Variants in NAALADL1 observed in about 807,000 individuals in gnomAD.
NAALADL1 encodes aminopeptidase NAALADL1.
In NAALADL1, 77 loss-of-function variants were observed where a neutral mutation model predicts 82.8. The observed-to-expected ratio is 0.93, with a 90% CI of 0.77 to 1.12. The LOEUF is 1.12. Among genes scored for constraint, NAALADL1 ranks in the 50% most tolerant of loss-of-function variants. The probability of loss-of-function intolerance (pLI) is 0.00; values close to 1 mark genes in which losing one functional copy is unlikely to be tolerated. For synonymous variants in NAALADL1, 358 were observed against 399.2 expected (o/e 0.90, Z 1.23); for missense variants, 956 against 964.0 (o/e 0.99, Z 0.11).
chr11:65,046,289 C>A lies in NAALADL1; in HGVS notation c.1755G>T (p.Leu585=). Residue 585 remains leucine (L), a synonymous_variant, in exon 15 of 18, where the codon CTG becomes CTT. Coordinates refer to ENST00000358658, the MANE Select transcript of NAALADL1 (RefSeq NM_005468.3). Reference sequence around the variant, plus strand: ...CACTGTAGTCACTGACTTTGAGGGGCAGGAAGAAGCTGTCACTGAGCCGGA... The same window carrying A: ...CACTGTAGTCACTGACTTTGAGGGGAAGGAAGAAGCTGTCACTGAGCCGGA... ...VILRLSDSFF[L]PLKVSDYSET... 1 of 1,614,188 alleles carries A rather than the reference C, an allele frequency of 6.2e-7. No individual in the cohort carries two copies. The highest frequency in any genetic ancestry group is 8.5e-7 in the Non-Finnish European group (1 of 1,180,046).
chr11:65,045,434 G>T lies in NAALADL1; in HGVS notation c.2060C>A (p.Thr687Lys). ...YYSHVLWAPR[T>K]GSVVTFPGLS... ...GCCCGGGAATGTGACTACGGAGCCCGTGCGAGGTGCCCAGAGCACATGGCT... is the reference window on the plus strand; with the variant it reads ...GCCCGGGAATGTGACTACGGAGCCCTTGCGAGGTGCCCAGAGCACATGGCT... The change falls in exon 18 of 18, where the codon ACG becomes AAG. Residue 687 changes from threonine to lysine, a missense_variant. By Grantham distance (78) the Thr-to-Lys change is moderately conservative. Transcript: ENST00000358658. 4.3e-6 allele frequency: 7 copies of T among 1,610,768 alleles called. No homozygotes were observed. The highest frequency in any genetic ancestry group is 5.9e-6 in the Non-Finnish European group (7 of 1,178,342).
At chr11:65,047,203 C>T (rs1017447237) in intron 13 of NAALADL1, among the ~76,000 whole-genome samples, 2 of 152,154 alleles carry the variant, frequency 1.3e-5, no homozygotes, top group Non-Finnish European at 2.9e-5. Flanking sequence ...GGCACCAAGG[C>T]TCACACCTGT....
At chr11:65,052,541 T>C (rs1011224250) in intron 8 of NAALADL1, among the ~76,000 whole-genome samples, 1 of 152,164 alleles carries the variant, frequency 6.6e-6, no homozygotes, top group Admixed American at 6.5e-5. Context: ...CTCGAACTCC[T>C]GACCTCGTGA....
Position 65,044,844 on chromosome 11 carries a change from G to C in NAALADL1, c.*427C>G. The C allele has an allele frequency of 8.5e-7, 1 of 1,176,318 alleles. No homozygotes were observed. Among genetic ancestry groups the C allele is most frequent in the Non-Finnish European group, 1.2e-6 (1 of 859,480 alleles). 72.9% of individuals were successfully genotyped at this position (1,176,318 alleles called of 1,614,324 possible). A position where few individuals can be genotyped will look rare whatever the true frequency, so the allele number is the denominator to read the frequency against. ...TTTGTTGGTACCAGTCACTAGATGT[G>C]ATTTATTTGAGGGGCTGTTGTAGGG... On this transcript the variant is annotated 3_prime_UTR_variant, in exon 18 of 18. Transcript: ENST00000358658. This position sits in a 1 kb window ranked among gnomAD's most constrained non-coding sequence, Gnocchi z 4.0.
chr11:65,046,784 G>A (rs1946742144), intron 13 of NAALADL1, among the ~76,000 whole-genome samples: 2 of 152,158 alleles, frequency 1.3e-5, no homozygotes, highest in Non-Finnish European at 2.9e-5. Flanking sequence ...TGGGGCTTTG[G>A]GGTCAGATAG....
chr11:65,054,866 A>T lies in NAALADL1; in HGVS notation c.604-128T>A. The T allele has an allele frequency of 7.9e-7, 1 of 1,268,356 alleles. No homozygotes were observed. The highest frequency in any genetic ancestry group is 1.1e-6 in the Non-Finnish European group (1 of 937,166). The allele number at this position is 1,268,356 out of a possible 1,614,324, so 78.6% of individuals were successfully genotyped here. On this transcript the variant is annotated intron_variant, in intron 4 of 17. Transcript: ENST00000358658. This position sits in a 1 kb window ranked among gnomAD's most constrained non-coding sequence, Gnocchi z 4.3. ...CTTCCATGGGCAAGATGACGTTTGC[A>T]CAAGTCATTTATGGCAGTGCCTCTT...
rs551297959 is a variant in NAALADL1 at position 65,053,526 on chromosome 11, T to A, written c.1043A>T (p.Asn348Ile). ...AGCCCCACGGATGATGCCCAGGACG[T>A]TGGAAGAGTTCCTCAGCTCCAGGCG... ...YNRLELRNSSNVLGIIRGAVE... is the reference protein window; with the variant it reads ...YNRLELRNSSIVLGIIRGAVE... The change falls in exon 7 of 18, where the codon AAC becomes ATC. Residue 348 changes from asparagine to isoleucine, a missense_variant. Physicochemically the swap from Asn to Ile is moderately radical, Grantham distance 149. Transcript: ENST00000358658. The surrounding 1 kb of genome is among the most constrained non-coding windows in gnomAD (Gnocchi z 4.3). 6.2e-6 allele frequency: 10 copies of A among 1,613,206 alleles called. No individual in the cohort carries two copies. Among genetic ancestry groups the A allele is most frequent in the Non-Finnish European group, 8.5e-6 (10 of 1,179,688 alleles).
chr11:65,050,288 C>G (rs1482191049), intron 8 of NAALADL1, among the ~76,000 whole-genome samples: 1 of 151,544 alleles, frequency 6.6e-6, no homozygotes, highest in Non-Finnish European at 1.5e-5. Context: ...ACCATCCTGG[C>G]TAACAAGGTG....
At chr11:65,046,398 A>T in intron 14 of NAALADL1, 36 bp from the exon 15 acceptor site, 1 of 1,614,194 alleles carries the variant, frequency 6.2e-7, no homozygotes, top group Non-Finnish European at 8.5e-7. Flanking sequence ...CTCAGTCTTC[A>T]GCCTCTCCTG....
Position 65,054,365 on chromosome 11 carries a change from G to C in NAALADL1, c.888-11C>G. On this transcript the variant is annotated splice_polypyrimidine_tract_variant and intron_variant, in intron 5 of 17. Transcript: ENST00000358658. This position sits in a 1 kb window ranked among gnomAD's most constrained non-coding sequence, Gnocchi z 4.3. ...GTTCCGTTGAGGTTACTGGGGAGGAGGAAGAGGCCCTTCAGGGTAAATGTG... is the reference window on the plus strand; with the variant it reads ...GTTCCGTTGAGGTTACTGGGGAGGACGAAGAGGCCCTTCAGGGTAAATGTG... The C allele has an allele frequency of 2.5e-6, 4 of 1,613,768 alleles. No homozygotes were observed. Among genetic ancestry groups the C allele is most frequent in the Non-Finnish European group, 2.5e-6 (3 of 1,179,784 alleles).
At position 65,057,389 on chromosome 11, in the gene NAALADL1, AC is replaced by A; in HGVS notation, c.584del (p.Gly195ValfsTer2). On this transcript the variant is annotated frameshift_variant, in exon 4 of 18. Coordinates refer to ENST00000358658, the MANE Select transcript of NAALADL1 (RefSeq NM_005468.3). LOFTEE classifies it high-confidence loss of function. Reference protein sequence around the residue: ...EGTIALTRYGGVGRGAKAVNA... With the variant: ...EGTIALTRYGXVGRGAKAVNA... Reference sequence around the variant, plus strand: ...CACTCACCTTGGCCCCACGCCCTACACCCCCATATCGAGTCAGGGCAATGGT... The same window carrying A: ...CACTCACCTTGGCCCCACGCCCTACACCCCATATCGAGTCAGGGCAATGGT... 6.2e-7 allele frequency: 1 copy of A among 1,613,056 alleles called. No individual in the cohort carries two copies. Among genetic ancestry groups the A allele is most frequent in the South Asian group, 1.1e-5 (1 of 90,960 alleles).
upstream of NAALADL1, among the ~76,000 whole-genome samples, chr11:65,061,107 C>T (rs1025009420): frequency 1.3e-5 from 2 of 152,240 alleles, no homozygotes; most frequent in African/African-American, 4.8e-5. Context: ...TTCTGACTCA[C>T]TTTCTGCTTC....
chr11:65,057,984 C>G lies in NAALADL1; in HGVS notation c.371G>C (p.Gly124Ala), dbSNP rs532101827. The change falls in exon 3 of 18, where the codon GGG (glycine) becomes GCG (alanine). Residue 124 changes from glycine (G) to alanine (A), a missense_variant. Physicochemically the swap from Gly to Ala is moderately conservative, Grantham distance 60. Transcript: ENST00000358658. ...PNVVDIVGPT[G>A]GIIHSCHRTE... ...CCGGTGGCAGGAGTGGATGATGCCC[C>G]CAGTGGGGCCCACTGTTGGAGGGGT... 5.6e-6 allele frequency: 9 copies of G among 1,614,144 alleles called. No homozygotes were observed. In the South Asian group the frequency reaches 9.9e-5, roughly 18 times the overall value.
intron 11 of NAALADL1, 22 bp downstream of exon 11, chr11:65,047,959 C>T (rs1476567805): frequency 1.9e-6 from 3 of 1,589,162 alleles, no homozygotes; most frequent in Non-Finnish European, 2.6e-6. Context: ...AGTTCAGCCC[C>T]GCCCGGCCTG....
At position 65,045,849 on chromosome 11, in the gene NAALADL1, C is replaced by G; in HGVS notation, c.2009G>C (p.Arg670Thr). 3.1e-6 allele frequency: 5 copies of G among 1,614,120 alleles called. No individual in the cohort carries two copies. Among genetic ancestry groups the G allele is most frequent in the African/African-American group, 1.3e-5 (1 of 75,060 alleles). The change falls in exon 17 of 18, where the codon AGA becomes ACA. Residue 670 changes from arginine to threonine, a missense_variant. Arg to Thr is a moderately conservative substitution (Grantham distance 71). Transcript: ENST00000358658. ...GTAGTAGCGTTCCTCTGGGAAGGCT[C>G]TAGGGTTCAGAAAGGTCCGTTCCAA... ...MLLERTFLNPRAFPEERYYSH... is the reference protein window; with the variant it reads ...MLLERTFLNPTAFPEERYYSH...
At chr11:65,059,093 A>C (rs1327149340), upstream of NAALADL1, among the ~76,000 whole-genome samples, 1 of 149,372 alleles carries the variant, frequency 6.7e-6, no homozygotes, top group African/African-American at 2.5e-5. Flanking sequence ...GCTCACTGCA[A>C]CCTCCACCTC....
In NAALADL1 at chr11:65,054,787, T is replaced by C; in HGVS notation, c.604-49A>G. 1 of 1,584,228 alleles carries C rather than the reference T, an allele frequency of 6.3e-7. No homozygotes were observed. The highest frequency in any genetic ancestry group is 2.2e-5 in the East Asian group (1 of 44,608). On this transcript the variant is annotated intron_variant, in intron 4 of 17. Transcript: ENST00000358658. The surrounding 1 kb of genome is among the most constrained non-coding windows in gnomAD (Gnocchi z 4.3). ...GTGTAAGGGAGGGACCGGGACCAGA[T>C]ATGTCCTATTCCTCTTCCTCCTTCC...
chr11:65,045,472 G>A lies in NAALADL1; in HGVS notation c.2037-15C>T, dbSNP rs753725348. On this transcript the variant is annotated splice_polypyrimidine_tract_variant and intron_variant, in intron 17 of 17. Transcript: ENST00000358658. ...AGAGCACATGGCTGACAAGAGAAATGGGACAGGATCAGGGTCAGTCAGTCA... is the reference window on the plus strand; with the variant it reads ...AGAGCACATGGCTGACAAGAGAAATAGGACAGGATCAGGGTCAGTCAGTCA... 5.0e-6 allele frequency: 8 copies of A among 1,592,152 alleles called. No homozygotes were observed. Among genetic ancestry groups the A allele is most frequent in the Non-Finnish European group, 6.9e-6 (8 of 1,166,674 alleles).
chr11:65,052,703 TC>T (rs1946921421), intron 8 of NAALADL1, among the ~76,000 whole-genome samples: 1 of 152,034 alleles, frequency 6.6e-6, no homozygotes, highest in African/African-American at 2.4e-5. Context: ...AACTCCAAAC[TC>T]CTCAGCCTGG....
Sources: gnomAD v4.1 joint callset for allele counts (sites outside exome capture counted in the v4.1 genomes callset) on GRCh38, gnomAD v4.1.1 for gene constraint, Gnocchi (gnomAD v3.1) non-coding constraint, MANE v1.5 for transcripts, NCBI Gene and HGNC (gene_info 2026-07-23, HGNC 2026-07-21) for gene names.